The following CFAP299 variants were observed in gnomAD, a reference collection of about 807,000 sequenced individuals.
CFAP299 encodes the protein cilia- and flagella-associated protein 299.
In CFAP299, 21 loss-of-function variants were observed where a neutral mutation model predicts 27.0. The ratio of observed to expected loss-of-function variants is 0.78; its 90% CI spans 0.55 to 1.12. CFAP299 has a LOEUF of 1.12. Ranked by LOEUF, CFAP299 falls within the 50% of genes most tolerant of loss-of-function variation. The probability of loss-of-function intolerance (pLI) is 0.00; values close to 1 mark genes in which losing one functional copy is unlikely to be tolerated. For missense variants in CFAP299, 310 were observed against 276.6 expected (o/e 1.12, Z -0.86); for synonymous variants, 104 against 98.1 (o/e 1.06, Z -0.36).
chr4:80,583,035 A>G, intron 2 of CFAP299, 58 bp from the exon 3 acceptor site: 1 of 1,075,938 alleles, frequency 9.3e-7, no homozygotes, highest in Non-Finnish European at 1.4e-6. Context: ...TTGGCTCCAG[A>G]GTGTTGGAAA....
intron 2 of CFAP299, among the ~76,000 whole-genome samples, chr4:80,412,433 T>G (rs909058287): frequency 3.3e-5 from 5 of 152,188 alleles, no homozygotes; most frequent in Non-Finnish European, 5.9e-5. Context: ...AGCTTATAGT[T>G]CAGAGAGGAA....
intron 1 of CFAP299, among the ~76,000 whole-genome samples, chr4:80,352,434 G>A (rs764910198): frequency 6.6e-6 from 1 of 152,038 alleles, no homozygotes; most frequent in African/African-American, 2.4e-5. Context: ...GGGGACAGTG[G>A]TGCACACCTG....
chr4:80,754,490 GT>G lies in CFAP299; in HGVS notation c.334-115499del, dbSNP rs1266758958. On this transcript the variant is annotated intron_variant, in intron 3 of 5. Coordinates refer to ENST00000358105, the MANE Select transcript of CFAP299 (RefSeq NM_152770.3). ...AGTATTGAAGAAGAGCCATCTCAGT[GT>G]TTTGTACTTCCATTCTTCCCATTGT... is the stretch of plus-strand genomic sequence containing the variant. Among the ~76,000 whole-genome samples, 18 of 151,936 alleles carry G rather than the reference GT, an allele frequency of 1.2e-4. No homozygotes were observed. The East Asian group carries it at 3.5e-3, about 29-fold the overall frequency.
chr4:80,671,619 A>C (rs1171754882), intron 3 of CFAP299, among the ~76,000 whole-genome samples: 1 of 152,158 alleles, frequency 6.6e-6, no homozygotes, highest in African/African-American at 2.4e-5. Flanking sequence ...GATTCTTCCT[A>C]TCCATGAGTA....
intron 2 of CFAP299, among the ~76,000 whole-genome samples, chr4:80,398,026 A>C (rs1242870608): frequency 1.3e-5 from 2 of 152,202 alleles, no homozygotes; most frequent in African/African-American, 4.8e-5. Flanking sequence ...AATCACAAGC[A>C]TTCTTATACA....
Position 80,944,909 on chromosome 4 carries a change from A to G in CFAP299, c.576A>G (p.Arg192=). The G allele has an allele frequency of 6.2e-7, 1 of 1,613,100 alleles. No homozygotes were observed. The change falls in exon 5 of 6, where the codon AGA becomes AGG. Residue 192 remains arginine (R), a synonymous_variant. Transcript: ENST00000358105. ...AAGGCTTACTTTTCAGATACAAAAG[A>G]GACAGAAAAATTCTTAATGTGGACC... ...NPEGLLFRYK[R]DRKILNVDPK...
intron 2 of CFAP299, among the ~76,000 whole-genome samples, chr4:80,468,815 CAG>C (rs1225091631): frequency 8.1e-6 from 1 of 123,588 alleles, no homozygotes. Flanking sequence ...GCCTGGGTGA[CAG>C]AGCGAGACTC....
chr4:80,348,068 G>T (rs890133128), intron 1 of CFAP299, among the ~76,000 whole-genome samples: 2 of 152,106 alleles, frequency 1.3e-5, no homozygotes, highest in Admixed American at 1.3e-4. Flanking sequence ...TTTAATAAAT[G>T]GCGTTGGGAG....
chr4:80,372,846 T>C (rs936422047), intron 2 of CFAP299, among the ~76,000 whole-genome samples: 2 of 152,180 alleles, frequency 1.3e-5, no homozygotes, highest in Non-Finnish European at 2.9e-5. Context: ...CATGTTATTG[T>C]CTGTTTAATG....
At chr4:80,807,253 A>G (rs913925632) in intron 3 of CFAP299, among the ~76,000 whole-genome samples, 2 of 152,186 alleles carry the variant, frequency 1.3e-5, no homozygotes, top group African/African-American at 4.8e-5. Context: ...AATTTTGCCT[A>G]CAGATAAAGC....
intron 3 of CFAP299, among the ~76,000 whole-genome samples, chr4:80,850,920 G>T (rs186291868): frequency 7.9e-4 from 121 of 152,214 alleles, no homozygotes; most frequent in Admixed American, 2.0e-3. Flanking sequence ...TGATTAATTA[G>T]ATGTGGGAAG....
chr4:80,428,332 TC>T (rs1023363141), intron 2 of CFAP299, among the ~76,000 whole-genome samples: 3 of 152,228 alleles, frequency 2.0e-5, no homozygotes, highest in African/African-American at 7.2e-5. Context: ...AAAAGCCTAT[TC>T]TAAATTGGAA....
At chr4:80,906,793 G>T (rs922515096) in intron 4 of CFAP299, among the ~76,000 whole-genome samples, 1 of 152,072 alleles carries the variant, frequency 6.6e-6, no homozygotes, top group Non-Finnish European at 1.5e-5. Flanking sequence ...CATAGAACAG[G>T]GGACCCTGGG....
At chr4:80,866,410 CAG>C (rs1338917271) in intron 3 of CFAP299, among the ~76,000 whole-genome samples, 1 of 152,004 alleles carries the variant, frequency 6.6e-6, no homozygotes, top group African/African-American at 2.4e-5. Context: ...TAAGCAGTTC[CAG>C]GCAGGCAGGG....
At chr4:80,661,409 A>T (rs1300785013) in intron 3 of CFAP299, among the ~76,000 whole-genome samples, 1 of 152,088 alleles carries the variant, frequency 6.6e-6, no homozygotes, top group Non-Finnish European at 1.5e-5. Flanking sequence ...AAGAACATAA[A>T]TTGTGAAGAT....
chr4:80,562,662 A>G (rs891935267), intron 2 of CFAP299, among the ~76,000 whole-genome samples: 2 of 135,050 alleles, frequency 1.5e-5, no homozygotes, highest in Admixed American at 7.1e-5. Context: ...AATTTCAATA[A>G]TAATAATAAT....
chr4:80,493,764 T>TC (rs1160148583), intron 2 of CFAP299, among the ~76,000 whole-genome samples: 2 of 111,904 alleles, frequency 1.8e-5, no homozygotes, highest in African/African-American at 8.5e-5. Flanking sequence ...ATATTCTTTT[T>TC]TTTTTTTTTT....
intron 2 of CFAP299, among the ~76,000 whole-genome samples, chr4:80,581,453 GATAT>G (rs70944794): frequency 0.14 from 13,976 of 102,686 alleles, 1,104 homozygotes; most frequent in Non-Finnish European, 0.15. Context: ...TATTAAGTGA[GATAT>G]ATATATATAT....
At chr4:80,583,522 C>A (rs1428945467) in intron 3 of CFAP299, among the ~76,000 whole-genome samples, 3 of 151,862 alleles carry the variant, frequency 2.0e-5, no homozygotes, top group Admixed American at 2.0e-4. Flanking sequence ...CACCCACTGA[C>A]CCTAAGTTTT....
Sources: gnomAD v4.1 joint callset for allele counts (sites outside exome capture counted in the v4.1 genomes callset) on GRCh38, gnomAD v4.1.1 for gene constraint, MANE v1.5 for transcripts, NCBI Gene and HGNC (gene_info 2026-07-23, HGNC 2026-07-21) for gene names.